The following ADGRL2 variants were observed in gnomAD, a reference collection of about 807,000 sequenced individuals.
The protein encoded by ADGRL2 is calcium-independent alpha-latrotoxin receptor 2.
ADGRL2 carries 44 observed loss-of-function variants against 157.4 expected under a neutral mutation model. The observed-to-expected ratio is 0.28, with a 90% CI of 0.22 to 0.36. ADGRL2 has a LOEUF of 0.36. ADGRL2 is among the 10% of genes least tolerant of loss of function. ADGRL2 has a pLI of 1.00. For synonymous variants in ADGRL2, 585 were observed against 624.7 expected, an observed-to-expected ratio of 0.94 and a Z score of 0.95; for missense variants, 1,510 against 1,768.9, an observed-to-expected ratio of 0.85 and a Z score of 2.63.
At chr1:81,434,969 G>A (rs1420932865) in intron 1 of ADGRL2, among the ~76,000 whole-genome samples, 1 of 152,138 alleles carries the variant, frequency 6.6e-6, no homozygotes, top group African/African-American at 2.4e-5. Flanking sequence ...CTGACAAAGG[G>A]TTTCAACAAA....
intron 3 of ADGRL2, among the ~76,000 whole-genome samples, chr1:81,643,162 G>A (rs984353951): frequency 1.3e-5 from 2 of 152,152 alleles, no homozygotes; most frequent in Non-Finnish European, 2.9e-5. Context: ...TGATGACATG[G>A]TAGTCTATGT....
intron 1 of ADGRL2, among the ~76,000 whole-genome samples, chr1:81,386,495 A>T (rs913235672): frequency 3.3e-5 from 5 of 152,108 alleles, no homozygotes; most frequent in African/African-American, 1.2e-4. Context: ...ATATACTGTT[A>T]CTCACAGTGA....
At chr1:81,840,927 A>G (rs185685208) in intron 2 of ADGRL2, among the ~76,000 whole-genome samples, 8 of 152,254 alleles carry the variant, frequency 5.3e-5, no homozygotes, top group African/African-American at 1.4e-4. Flanking sequence ...TTATAAGCAT[A>G]GTACCCACTG....
At chr1:81,413,059 C>T (rs552345528) in intron 1 of ADGRL2, among the ~76,000 whole-genome samples, 5 of 152,256 alleles carry the variant, frequency 3.3e-5, no homozygotes, top group Non-Finnish European at 5.9e-5. Context: ...CTTGATTTCA[C>T]TCCTCTTAAG....
intron 23 of ADGRL2, chr1:81,989,848 C>A (rs1315462030): frequency 3.6e-6 from 5 of 1,390,536 alleles, no homozygotes; most frequent in African/African-American, 2.9e-5. Flanking sequence ...TTTTTTACTT[C>A]ATCTCCAGAA....
intron 2 of ADGRL2, among the ~76,000 whole-genome samples, chr1:81,523,241 A>T (rs1195974318): frequency 6.6e-6 from 1 of 152,180 alleles, no homozygotes; most frequent in East Asian, 1.9e-4. Flanking sequence ...TAAAACGTTA[A>T]TCAAAGTATT....
intron 1 of ADGRL2, among the ~76,000 whole-genome samples, chr1:81,831,824 AATAGGTG>A (rs2150104734): frequency 6.6e-6 from 1 of 152,212 alleles, no homozygotes; most frequent in African/African-American, 2.4e-5. Flanking sequence ...CAACATATGT[AATAGGTG>A]CTCAGTAAAT....
chr1:81,311,880 A>G lies in ADGRL2; in HGVS notation c.-302+5371A>G, dbSNP rs537827858. Among the ~76,000 whole-genome samples the G allele has an allele frequency of 3.3e-5, 5 of 152,304 alleles. No homozygotes were observed. In the South Asian group the frequency reaches 8.3e-4, roughly 25 times the overall value. ...AAGAAAAGAAGGAGACTGAAAGACA[A>G]AGAGTAAAATACAGAAATATAGAAG... On this transcript the variant is annotated intron_variant, in intron 1 of 24. Coordinates refer to the ADGRL2 transcript ENST00000370721.
intron 1 of ADGRL2, among the ~76,000 whole-genome samples, chr1:81,395,922 C>A (rs1300935622): frequency 6.6e-6 from 1 of 152,142 alleles, no homozygotes; most frequent in Non-Finnish European, 1.5e-5. Context: ...TATGCTAGTA[C>A]CATGTTATTT....
intron 2 of ADGRL2, among the ~76,000 whole-genome samples, chr1:81,868,060 GGTGTGTGTGTGTGT>G (rs145794673): frequency 6.9e-6 from 1 of 145,560 alleles, no homozygotes; most frequent in Non-Finnish European, 1.5e-5. Context: ...GTGTGTGTGT[GGTGTGTGTGTGTGT>G]GTGTGTGTGT....
intron 2 of ADGRL2, among the ~76,000 whole-genome samples, chr1:81,787,816 A>G (rs953040468): frequency 6.6e-6 from 1 of 152,224 alleles, no homozygotes; most frequent in African/African-American, 2.4e-5. Flanking sequence ...TGACCTATGA[A>G]GTAAGAACAC....
intron 1 of ADGRL2, among the ~76,000 whole-genome samples, chr1:81,828,157 A>G (rs907824489): frequency 6.6e-6 from 1 of 152,220 alleles, no homozygotes; most frequent in African/African-American, 2.4e-5. Context: ...TCATTTCGGT[A>G]TGCATTGCCT....
rs748535444 is a variant in ADGRL2, at chr1:81,968,132, C to G, written c.2456C>G (p.Thr819Ser). 1 of 1,612,624 alleles carries G rather than the reference C, an allele frequency of 6.2e-7. No homozygotes were observed. The highest frequency in any genetic ancestry group is 8.5e-7 in the Non-Finnish European group (1 of 1,179,648). ...TGCAAGCTGGTTGACACTAATAAAA[C>G]TCGAACAACGTGTGCATGCAGCCAC... ...QGCKLVDTNK[T>S]RTTCACSHLT... Residue 819 changes from threonine to serine, a missense_variant, in exon 14 of 24, where the codon ACT (threonine) becomes AGT (serine). Physicochemically the swap from Thr to Ser is moderately conservative, Grantham distance 58. Transcript: ENST00000686636.
chr1:81,780,518 CA>C (rs1265875214), intron 2 of ADGRL2, among the ~76,000 whole-genome samples: 1 of 152,130 alleles, frequency 6.6e-6, no homozygotes. Flanking sequence ...CTTAAAGTGT[CA>C]CAGCTAGTTG....
intron 17 of ADGRL2, among the ~76,000 whole-genome samples, chr1:81,973,580 A>G (rs2149359165): frequency 6.6e-6 from 1 of 152,344 alleles, no homozygotes. Context: ...AATTAGCAAA[A>G]GAAGTTAATT....
intron 1 of ADGRL2, among the ~76,000 whole-genome samples, chr1:81,813,388 G>A (rs2090069040): frequency 6.6e-6 from 1 of 151,568 alleles, no homozygotes; most frequent in African/African-American, 2.4e-5. Flanking sequence ...TATTATTTTA[G>A]TAGCTAATCT....
At chr1:81,366,535 A>G (rs1201972940) in intron 1 of ADGRL2, among the ~76,000 whole-genome samples, 1 of 152,120 alleles carries the variant, frequency 6.6e-6, no homozygotes, top group East Asian at 1.9e-4. Flanking sequence ...TATGCTTTTC[A>G]CTGACCCAGG....
At chr1:81,877,076 T>C (rs2093859816) in intron 2 of ADGRL2, among the ~76,000 whole-genome samples, 1 of 152,172 alleles carries the variant, frequency 6.6e-6, no homozygotes. Flanking sequence ...CCATCCTTTT[T>C]AATAGTTTTG....
At chr1:81,399,856 A>G (rs1308273295) in intron 1 of ADGRL2, among the ~76,000 whole-genome samples, 1 of 151,782 alleles carries the variant, frequency 6.6e-6, no homozygotes, top group Admixed American at 6.6e-5. Flanking sequence ...TTGCTTTTTC[A>G]TGTTTCCTGT....
Sources: gnomAD v4.1 joint callset for allele counts (sites outside exome capture counted in the v4.1 genomes callset) on GRCh38, gnomAD v4.1.1 for gene constraint, MANE v1.5 for transcripts, NCBI Gene and HGNC (gene_info 2026-07-23, HGNC 2026-07-21) for gene names.